ATMIN: variants seen among roughly 807,000 people sequenced by gnomAD.
The protein encoded by ATMIN is ATM INteracting protein.
In ATMIN, 24 loss-of-function variants were observed where a neutral mutation model predicts 49.2. That is an observed-to-expected ratio of 0.49 (90% CI 0.35 to 0.69). The LOEUF is 0.69. ATMIN is among the 30% of genes least tolerant of loss of function. The pLI is 0.00. For missense variants in ATMIN, 1,037 were observed against 1,005.5 expected (o/e 1.03, Z -0.42); for synonymous variants, 450 against 392.5 (o/e 1.15, Z -1.73).
At chr16:81,038,840 G>A (rs1028133402) in intron 1 of ATMIN, among the ~76,000 whole-genome samples, 4 of 152,138 alleles carry the variant, frequency 2.6e-5, no homozygotes, top group African/African-American at 9.7e-5. Flanking sequence ...CTGTCGCCCA[G>A]ACTGGAGTGC....
chr16:81,041,316 T>C, intron 1 of ATMIN, 40 bp from the exon 2 acceptor site: 1 of 1,578,544 alleles, frequency 6.3e-7, no homozygotes. Flanking sequence ...GTTGTGTTGT[T>C]TTTTTGAAAT....
At position 81,046,923 on chromosome 16, in the gene ATMIN, T is replaced by C. The variant is rs34529307; in HGVS notation, c.*1953T>C. On this transcript the variant is annotated 3_prime_UTR_variant, in exon 4 of 4. Transcript: ENST00000299575. ...GGTCACAGTTGCCTATGAGTGTGGG[T>C]TTCAAAAGAAACATAAAGCCTTAAC... 8.0e-3 allele frequency: 1,218 copies of C among 152,698 alleles called. 21 individuals carry two copies. Among genetic ancestry groups the C allele is most frequent in the East Asian group, 0.049 (254 of 5,182 alleles). 9.5% of individuals were successfully genotyped at this position (152,698 alleles called of 1,614,324 possible). A position where few individuals can be genotyped will look rare whatever the true frequency, so the allele number is the denominator to read the frequency against.
At chr16:81,040,159 C>T (rs1006005112) in intron 1 of ATMIN, among the ~76,000 whole-genome samples, 1 of 152,154 alleles carries the variant, frequency 6.6e-6, no homozygotes, top group Non-Finnish European at 1.5e-5. Context: ...ACAAAAAGTC[C>T]AGTGCATTTT....
At chr16:81,041,758 G>C (rs1307237371) in intron 2 of ATMIN, 5 of 296,246 alleles carry the variant, frequency 1.7e-5, no homozygotes, top group African/African-American at 2.2e-5. Flanking sequence ...CAGATCTCCT[G>C]TGTGAGTCTG....
In ATMIN at chr16:81,043,454, C is replaced by G; in HGVS notation, c.956C>G (p.Pro319Arg). ...TTTTCTGTCATGCCTGTCTTTGTGC[C>G]TACAGCCGACTCCTCAGCCCAGCCT... Reference protein sequence around the residue: ...MQFSVMPVFVPTADSSAQPVV... With the variant: ...MQFSVMPVFVRTADSSAQPVV... The change falls in exon 4 of 4, where the codon CCT (proline) becomes CGT (arginine). Residue 319 changes from proline (P) to arginine (R), a missense_variant. By Grantham distance (103) the Pro-to-Arg change is moderately radical (BLOSUM62 -2). Transcript: ENST00000299575. 1.9e-6 allele frequency: 3 copies of G among 1,613,966 alleles called. No individual in the cohort carries two copies. The highest frequency in any genetic ancestry group is 8.5e-7 in the Non-Finnish European group (1 of 1,180,030).
Position 81,046,678 on chromosome 16 carries a change from A to ACACACACACACACACG in ATMIN, c.*1721_*1722insACGCACACACACACAC, listed in dbSNP as rs1165275102. 2.0e-5 allele frequency: 3 copies of ACACACACACACACACG among 151,938 alleles called. No individual in the cohort carries two copies. The highest frequency in any genetic ancestry group is 7.3e-5 in the African/African-American group (3 of 41,344). 9.4% of individuals were successfully genotyped at this position (151,938 alleles called of 1,614,324 possible). On this transcript the variant is annotated 3_prime_UTR_variant, in exon 4 of 4. Coordinates refer to ENST00000299575, the MANE Select transcript of ATMIN (RefSeq NM_015251.3). ...TCCACATTGACACACACACACACAC[A>ACACACACACACACACG]CACACACACACACGACATGCTCCTT...
intron 2 of ATMIN, 123 bp downstream of exon 2, chr16:81,041,604 TC>T: frequency 7.7e-7 from 1 of 1,296,212 alleles, no homozygotes; most frequent in Non-Finnish European, 1.1e-6. Flanking sequence ...CCTGCGTGTC[TC>T]CCAGTTGGTA....
At chr16:81,042,255 C>G in intron 2 of ATMIN, 26 bp from the exon 3 acceptor site, 4 of 1,608,650 alleles carry the variant, frequency 2.5e-6, no homozygotes, top group Non-Finnish European at 3.4e-6. Context: ...TGTTTTTCAC[C>G]TTAGTCCCTT....
intron 3 of ATMIN, among the ~76,000 whole-genome samples, chr16:81,042,795 A>G (rs1422712600): frequency 2.6e-5 from 4 of 152,208 alleles, no homozygotes; most frequent in African/African-American, 7.2e-5. Context: ...AAGTTTTATC[A>G]TGAAACTGTA....
rs879346472 is a variant in ATMIN at position 81,046,487 on chromosome 16, A to C, written c.*1517A>C. Reference sequence around the variant, plus strand: ...AGTGAATAATACCAGTCTTCAAAGAAAACAAGGTGAAGACCTATTGCTTCA... The same window carrying C: ...AGTGAATAATACCAGTCTTCAAAGACAACAAGGTGAAGACCTATTGCTTCA... On this transcript the variant is annotated 3_prime_UTR_variant, in exon 4 of 4. Coordinates refer to ENST00000299575, the MANE Select transcript of ATMIN (RefSeq NM_015251.3). 8 of 152,186 alleles carry C rather than the reference A, an allele frequency of 5.3e-5. No homozygotes were observed. The highest frequency in any genetic ancestry group is 1.2e-4 in the Non-Finnish European group (8 of 68,028). The allele number at this position is 152,186 out of a possible 1,614,324, so 9.4% of individuals were successfully genotyped here.
intron 1 of ATMIN, among the ~76,000 whole-genome samples, chr16:81,038,442 T>C (rs1970983392): frequency 6.6e-6 from 1 of 152,176 alleles, no homozygotes; most frequent in South Asian, 2.1e-4. Context: ...GGGCAAACTT[T>C]TTTTTAGCAG....
chr16:81,036,890 G>A lies in ATMIN; in HGVS notation c.336+684G>A, dbSNP rs141624198. On this transcript the variant is annotated intron_variant, in intron 1 of 3. Transcript: ENST00000299575. ...ATGAATAAAAAAATGTTTTAAAGGA[G>A]CGGTAGGTTTGCCTCTAAACACCAT... 3.0e-3 allele frequency among the ~76,000 whole-genome samples: 456 copies of A among 152,312 alleles called. 4 individuals are homozygous for A. Among genetic ancestry groups the A allele is most frequent in the African/African-American group, 0.01 (434 of 41,562 alleles).
rs1169107779 is a variant in ATMIN, at chr16:81,043,642, A to C, written c.1144A>C (p.Thr382Pro). The change falls in exon 4 of 4, where the codon ACT becomes CCT. Residue 382 changes from threonine to proline, a missense_variant. Transcript: ENST00000299575. The part of the protein sequence containing the change: ...ANPIAGEPIS[T>P]GVQVNFGKSP... ...TCCTATTGCTGGTGAGCCAATAAGT[A>C]CTGGTGTTCAAGTGAACTTTGGTAA... The C allele has an allele frequency of 6.2e-7, 1 of 1,614,130 alleles. No individual in the cohort carries two copies. Among genetic ancestry groups the C allele is most frequent in the African/African-American group, 1.3e-5 (1 of 74,942 alleles).
rs1269856924 is a variant in ATMIN at position 81,046,164 on chromosome 16, C to G, written c.*1194C>G. 1 of 152,010 alleles carries G rather than the reference C, an allele frequency of 6.6e-6. No individual in the cohort carries two copies. Among genetic ancestry groups the G allele is most frequent in the Non-Finnish European group, 1.5e-5 (1 of 68,012 alleles). 9.4% of individuals were successfully genotyped at this position (152,010 alleles called of 1,614,324 possible). On this transcript the variant is annotated 3_prime_UTR_variant, in exon 4 of 4. Transcript: ENST00000299575. ...AGAGTTGGGGGCTCTGGAGCTGTTT[C>G]CCCAAGTGCATCCACAAGCTGGATC...
intron 2 of ATMIN, 112 bp downstream of exon 2, chr16:81,041,593 G>C: frequency 9.7e-6 from 13 of 1,339,662 alleles, no homozygotes; most frequent in Non-Finnish European, 1.3e-5. Context: ...GAGGGGAGAT[G>C]CCTGCGTGTC....
chr16:81,042,344 A>G lies in ATMIN; in HGVS notation c.526A>G (p.Thr176Ala), dbSNP rs762002674. The change falls in exon 3 of 4, where the codon ACA becomes GCA. Residue 176 changes from threonine (T) to alanine (A), a missense_variant. Physicochemically the swap from Thr to Ala is moderately conservative, Grantham distance 58. Transcript: ENST00000299575. ...KCSKCSNSYGTEWDLKRHAED... is the reference protein window; with the variant it reads ...KCSKCSNSYGAEWDLKRHAED... ...TAGTAAGTGCAGCAATTCGTACGGT[A>G]CAGAATGGGACCTGAAAAGACATGC... The G allele has an allele frequency of 1.2e-6, 2 of 1,614,170 alleles. No individual in the cohort carries two copies. Among genetic ancestry groups the G allele is most frequent in the Non-Finnish European group, 1.7e-6 (2 of 1,180,042 alleles).
In ATMIN at chr16:81,043,881, A is replaced by G. The variant is rs761218263; in HGVS notation, c.1383A>G (p.Thr461=). ...TTCCCATTAGTGTTCACACTCAGAC[A>G]TTTTTGCCCAGCTCTAAGGTAACTT... ...VSLPISVHTQ[T]FLPSSKVTSS... Residue 461 remains threonine (T), a synonymous_variant, in exon 4 of 4, where the codon ACA becomes ACG. Coordinates refer to ENST00000299575, the MANE Select transcript of ATMIN (RefSeq NM_015251.3). The G allele has an allele frequency of 2.5e-6, 4 of 1,614,138 alleles. No individual in the cohort carries two copies. In the Admixed American group the frequency reaches 6.7e-5, roughly 27 times the overall value.
chr16:81,037,585 T>C, intron 1 of ATMIN: 6 of 763,100 alleles, frequency 7.9e-6, no homozygotes, highest in Non-Finnish European at 9.6e-6. Context: ...CCTGTTGTTT[T>C]GTTTTCATAC....
chr16:81,042,158 G>A lies in ATMIN; in HGVS notation c.463-123G>A, dbSNP rs1407990815. 2.2e-5 allele frequency: 18 copies of A among 809,356 alleles called. No homozygotes were observed. The South Asian group carries it at 2.9e-4, about 13-fold the overall frequency. The allele number at this position is 809,356 out of a possible 1,614,324, so 50.1% of individuals were successfully genotyped here. A position where few individuals can be genotyped will look rare whatever the true frequency, so the allele number is the denominator to read the frequency against. On this transcript the variant is annotated intron_variant, in intron 2 of 3. Transcript: ENST00000299575. ...CTTTTACATTCTTTTGACTTGGACT[G>A]CTGTATTTTATGTTATTTATATTAA...
Sources: allele counts gnomAD v4.1 joint callset (sites outside exome capture counted in the v4.1 genomes callset), GRCh38; gene constraint gnomAD v4.1.1; transcripts MANE v1.5; gene names NCBI Gene and HGNC (gene_info 2026-07-23, HGNC 2026-07-21).